Variants in SCAF8 observed in about 807,000 individuals in gnomAD.
SCAF8 encodes the protein SR-related and CTD-associated factor 8.
SCAF8 carries 23 observed loss-of-function variants against 140.5 expected under a neutral mutation model. The observed-to-expected ratio is 0.16, with a 90% confidence interval of 0.12 to 0.23. SCAF8 has a LOEUF of 0.23. Ranked by LOEUF, SCAF8 falls within the 10% of genes least tolerant of loss-of-function variation. SCAF8 has a pLI of 1.00. For synonymous variants in SCAF8, 575 were observed against 528.9 expected (o/e 1.09, Z -1.20); for missense variants, 1,397 against 1,555.7 (o/e 0.90, Z 1.72).
rs80146070 is a variant in SCAF8 at position 154,764,340 on chromosome 6, A to G, written c.31-9649A>G. Among the ~76,000 whole-genome samples the G allele has an allele frequency of 6.1e-4, 92 of 151,816 alleles. 3 individuals carry two copies. In the East Asian group the frequency reaches 0.017, roughly 29 times the overall value. On this transcript the variant is annotated intron_variant, in intron 1 of 19. Coordinates refer to ENST00000367178, the MANE Select transcript of SCAF8 (RefSeq NM_014892.5). The stretch of plus-strand genomic sequence containing the variant: ...TTAGTATATTTTCATTGAAATGATA[A>G]GTCTTGAGTGGCCAAAGGAAAGGAC...
chr6:154,793,311 A>T (rs754248285), intron 5 of SCAF8, among the ~76,000 whole-genome samples: 1 of 151,836 alleles, frequency 6.6e-6, no homozygotes, highest in Non-Finnish European at 1.5e-5. Context: ...TACTAGGGGG[A>T]CTTAATATTT....
rs575229711 is a variant in SCAF8, at chr6:154,805,520, T to C, written c.981+34T>C. 21 of 1,236,886 alleles carry C rather than the reference T, an allele frequency of 1.7e-5. No individual in the cohort carries two copies. In the African/African-American group the frequency reaches 2.0e-4, roughly 12 times the overall value. The allele number at this position is 1,236,886 out of a possible 1,614,324, so 76.6% of individuals were successfully genotyped here. A position where few individuals can be genotyped will look rare whatever the true frequency, so the allele number is the denominator to read the frequency against. On this transcript the variant is annotated intron_variant, in intron 9 of 19. Coordinates refer to ENST00000367178, the MANE Select transcript of SCAF8 (RefSeq NM_014892.5). ...CCCCATCTTGTGGTCTTTAGAGTTATTACTATTTATATTCTATAAATTGGC... is the reference window on the plus strand; with the variant it reads ...CCCCATCTTGTGGTCTTTAGAGTTACTACTATTTATATTCTATAAATTGGC...
chr6:154,802,132 A>G lies in SCAF8; in HGVS notation c.768A>G (p.Gly256=). The part of the protein sequence containing the change: ...AANTLTPLEQ[G]VSFNKKLMDR... ...ACACTCTTACTCCCTTAGAACAGGG[A>G]GTCTCCTTTAACAAGGTAGAAATTA... The change falls in exon 7 of 20, where the codon GGA becomes GGG. Residue 256 remains glycine (G), a synonymous_variant. Coordinates refer to ENST00000367178, the MANE Select transcript of SCAF8 (RefSeq NM_014892.5). 1.9e-6 allele frequency: 3 copies of G among 1,592,890 alleles called. No individual in the cohort carries two copies. Among genetic ancestry groups the G allele is most frequent in the Non-Finnish European group, 2.6e-6 (3 of 1,171,906 alleles).
chr6:154,784,155 A>ATATATATATATATTTATT (rs1408182952), intron 3 of SCAF8, among the ~76,000 whole-genome samples: 61 of 91,886 alleles, frequency 6.6e-4, no homozygotes, highest in Admixed American at 1.2e-3. Context: ...ATATATATAT[A>ATATATATATATATTTATT]TATTTATTTA....
intron 18 of SCAF8, among the ~76,000 whole-genome samples, chr6:154,829,657 A>G (rs1778671981): frequency 6.6e-6 from 1 of 152,190 alleles, no homozygotes; most frequent in Admixed American, 6.5e-5. Flanking sequence ...CTGTAATCTC[A>G]GTACTTTGGG....
intron 6 of SCAF8, among the ~76,000 whole-genome samples, chr6:154,800,162 C>T (rs767443591): frequency 6.6e-6 from 1 of 151,434 alleles, no homozygotes; most frequent in East Asian, 1.9e-4. Context: ...TGCTTACTTC[C>T]TTCCTTAGCA....
In SCAF8 at chr6:154,832,774, A is replaced by G. The variant is rs764789445; in HGVS notation, c.3195A>G (p.Val1065=). Residue 1065 remains valine (V), a synonymous_variant, in exon 20 of 20, where the codon GTA becomes GTG. Transcript: ENST00000367178. ...DGRDHFGRPP[V]DIRENLVRPG... is the part of the protein sequence containing the mutation. ...GGGATCATTTTGGAAGACCTCCTGT[A>G]GATATAAGAGAGAATCTTGTGAGGC... 67 of 1,613,738 alleles carry G rather than the reference A, an allele frequency of 4.2e-5. No individual in the cohort carries two copies. The highest frequency in any genetic ancestry group is 5.5e-5 in the Non-Finnish European group (65 of 1,179,988).
rs1252629382 is a variant in SCAF8, at chr6:154,810,104, A to G, written c.1316A>G (p.Lys439Arg). The part of the protein sequence containing the change: ...KRSRSRSRER[K>R]RKSSRSYSSE... Reference sequence around the variant, plus strand: ...TCACGCTCCCGCTCAAGAGAAAGAAAGAGGAAATCATCACGGTCGTATTCA... The same window carrying G: ...TCACGCTCCCGCTCAAGAGAAAGAAGGAGGAAATCATCACGGTCGTATTCA... Residue 439 changes from lysine (K) to arginine (R), a missense_variant, in exon 12 of 20, where the codon AAG (lysine) becomes AGG (arginine). Lys to Arg is a conservative substitution (Grantham distance 26). Transcript: ENST00000367178. 1.2e-6 allele frequency: 2 copies of G among 1,614,074 alleles called. No homozygotes were observed. Among genetic ancestry groups the G allele is most frequent in the African/African-American group, 1.3e-5 (1 of 75,046 alleles).
intron 1 of SCAF8, among the ~76,000 whole-genome samples, chr6:154,773,785 T>A (rs1776843002): frequency 6.6e-6 from 1 of 152,240 alleles, no homozygotes; most frequent in African/African-American, 2.4e-5. Flanking sequence ...TACTGTCTTT[T>A]TGATTATAAG....
At chr6:154,735,006 C>T (rs1404494303) in intron 1 of SCAF8, among the ~76,000 whole-genome samples, 3 of 152,008 alleles carry the variant, frequency 2.0e-5, no homozygotes, top group African/African-American at 4.8e-5. Flanking sequence ...CACCTGTAAT[C>T]CCAGCTACTT....
At chr6:154,771,446 A>G (rs1776764401) in intron 1 of SCAF8, among the ~76,000 whole-genome samples, 1 of 152,230 alleles carries the variant, frequency 6.6e-6, no homozygotes, top group Non-Finnish European at 1.5e-5. Context: ...ACAATAGTGT[A>G]AGATGAGGCT....
intron 2 of SCAF8, among the ~76,000 whole-genome samples, chr6:154,777,687 G>A (rs1270997258): frequency 1.3e-5 from 2 of 152,146 alleles, no homozygotes; most frequent in African/African-American, 2.4e-5. Flanking sequence ...CTTATTAGAA[G>A]TATTTTGAAG....
chr6:154,790,540 T>C (rs1777387608), intron 4 of SCAF8, among the ~76,000 whole-genome samples: 1 of 118,066 alleles, frequency 8.5e-6, no homozygotes. Flanking sequence ...AGACGGAGTC[T>C]CGCTCTGTTG....
chr6:154,793,011 A>G, intron 5 of SCAF8, 35 bp downstream of exon 5: 1 of 1,524,600 alleles, frequency 6.6e-7, no homozygotes, highest in Non-Finnish European at 8.8e-7. Flanking sequence ...TTGTCTAAAT[A>G]TTCTACTCAT....
intron 9 of SCAF8, among the ~76,000 whole-genome samples, chr6:154,806,347 T>C (rs1391458320): frequency 6.6e-6 from 1 of 152,152 alleles, no homozygotes; most frequent in Non-Finnish European, 1.5e-5. Context: ...ATAAAAGTAT[T>C]AGGAAACCCC....
In SCAF8 at chr6:154,773,981, T is replaced by C; in HGVS notation, c.31-8T>C. On this transcript the variant is annotated splice_region_variant and splice_polypyrimidine_tract_variant and intron_variant, in intron 1 of 19. Coordinates refer to ENST00000367178, the MANE Select transcript of SCAF8 (RefSeq NM_014892.5). ...TTGCTGTATGTAAATTTGTTCTTTT[T>C]TCATCAGTTGTATTCCCTGAATGAC... 1.3e-6 allele frequency: 2 copies of C among 1,594,286 alleles called. No individual in the cohort carries two copies. The highest frequency in any genetic ancestry group is 1.7e-6 in the Non-Finnish European group (2 of 1,166,438).
intron 1 of SCAF8, among the ~76,000 whole-genome samples, chr6:154,740,960 T>C (rs1383644372): frequency 6.6e-6 from 1 of 152,140 alleles, no homozygotes; most frequent in African/African-American, 2.4e-5. Context: ...CAATCCTAGG[T>C]AGCTAAATGA....
intron 1 of SCAF8, among the ~76,000 whole-genome samples, chr6:154,762,749 T>G (rs1776443780): frequency 6.6e-6 from 1 of 152,220 alleles, no homozygotes; most frequent in Non-Finnish European, 1.5e-5. Flanking sequence ...CTATCACTTA[T>G]AAATATACCC....
At position 154,810,344 on chromosome 6, in the gene SCAF8, T is replaced by G. The variant is rs73793009; in HGVS notation, c.1420+136T>G. 1,512 of 575,608 alleles carry G rather than the reference T, an allele frequency of 2.6e-3. 16 individuals carry two copies. The African/African-American group carries it at 0.027, about 10-fold the overall frequency. The allele number at this position is 575,608 out of a possible 1,614,324, so 35.7% of individuals were successfully genotyped here. A position where few individuals can be genotyped will look rare whatever the true frequency, so the allele number is the denominator to read the frequency against. ...TTTGGTAAATGAGTAATGTCTCTGG[T>G]TTTTGTAACATGATAGAGAAGAGAA... On this transcript the variant is annotated intron_variant, in intron 12 of 19. Coordinates refer to ENST00000367178, the MANE Select transcript of SCAF8 (RefSeq NM_014892.5).
Sources: allele counts gnomAD v4.1 joint callset (sites outside exome capture counted in the v4.1 genomes callset), GRCh38; gene constraint gnomAD v4.1.1; transcripts MANE v1.5; gene names NCBI Gene and HGNC (gene_info 2026-07-23, HGNC 2026-07-21).